PRRX2: variants seen among roughly 807,000 people sequenced by gnomAD.
PRRX2 encodes the protein paired mesoderm homeobox protein 2.
Under a neutral mutation model 18.0 loss-of-function variants are expected in PRRX2, and 11 were observed. The ratio of observed to expected loss-of-function variants is 0.61; its 90% CI spans 0.39 to 1.01. PRRX2 has a LOEUF of 1.01. PRRX2 is among the 50% of genes least tolerant of loss of function. The pLI is 0.01. For synonymous variants in PRRX2, 177 were observed against 154.8 expected (o/e 1.14, Z -1.06); for missense variants, 387 against 351.0 (o/e 1.10, Z -0.82).
intron 2 of PRRX2, 48 bp from the exon 3 acceptor site, chr9:129,720,548 T>G (rs1832775556): frequency 6.6e-7 from 1 of 1,521,382 alleles, no homozygotes; most frequent in African/African-American, 1.4e-5. Context: ...CAGAAGGACT[T>G]GGGTCCCCCC....
At chr9:129,680,476 C>A (rs1018099855) in intron 1 of PRRX2, among the ~76,000 whole-genome samples, 2 of 136,632 alleles carry the variant, frequency 1.5e-5, no homozygotes, top group Non-Finnish European at 3.1e-5. Flanking sequence ...CCACCCCCCC[C>A]ACCCGCCCTA....
chr9:129,685,226 C>A (rs1388144129), intron 1 of PRRX2, among the ~76,000 whole-genome samples: 1 of 152,212 alleles, frequency 6.6e-6, no homozygotes, highest in Admixed American at 6.5e-5. Flanking sequence ...GCCCAGGGCC[C>A]CCTACCAGTA....
intron 1 of PRRX2, among the ~76,000 whole-genome samples, chr9:129,711,961 C>A (rs1832628342): frequency 1.3e-5 from 2 of 152,266 alleles, no homozygotes; most frequent in South Asian, 4.1e-4. Context: ...GCCCTTCTCC[C>A]AGGGGCCCTT....
intron 1 of PRRX2, among the ~76,000 whole-genome samples, chr9:129,701,874 G>A (rs183455885): frequency 5.5e-4 from 83 of 152,160 alleles, no homozygotes; most frequent in African/African-American, 1.5e-3. Flanking sequence ...CAAGGCAGGC[G>A]GATCACTTGA....
chr9:129,702,244 AAGCATT>A (rs1021942273), intron 1 of PRRX2, among the ~76,000 whole-genome samples: 1 of 150,966 alleles, frequency 6.6e-6, no homozygotes, highest in African/African-American at 2.4e-5. Flanking sequence ...AAAAATACAA[AAGCATT>A]AGCTGGGCAT....
Position 129,671,184 on chromosome 9 carries a change from G to C in PRRX2, c.259+5058G>C, listed in dbSNP as rs1263081380. On this transcript the variant is annotated intron_variant, in intron 1 of 3. Transcript: ENST00000372469. The surrounding 1 kb of genome is among the most constrained non-coding windows in gnomAD (Gnocchi z 4.0). ...GCTGGGCCTGGTGCCTGGACCCTCA[G>C]ATGATCATGTCTCAGCAGGAGCCGG... Among the ~76,000 whole-genome samples the C allele has an allele frequency of 6.6e-6, 1 of 152,214 alleles. No individual in the cohort carries two copies. Among genetic ancestry groups the C allele is most frequent in the Non-Finnish European group, 1.5e-5 (1 of 68,034 alleles).
chr9:129,668,743 C>T (rs1243542428), intron 1 of PRRX2, among the ~76,000 whole-genome samples: 1 of 134,424 alleles, frequency 7.4e-6, no homozygotes, highest in Non-Finnish European at 1.5e-5. Flanking sequence ...CACCACTGCA[C>T]ACTCCAGCCT....
In PRRX2 at chr9:129,689,073, G is replaced by T. The variant is rs558999731; in HGVS notation, c.259+22947G>T. Among the ~76,000 whole-genome samples, 3 of 152,312 alleles carry T rather than the reference G, an allele frequency of 2.0e-5. No homozygotes were observed. In the South Asian group the frequency reaches 6.2e-4, roughly 32 times the overall value. On this transcript the variant is annotated intron_variant, in intron 1 of 3. Coordinates refer to ENST00000372469, the MANE Select transcript of PRRX2 (RefSeq NM_016307.4). ...GCGGGTAGGCTCATGGCTTAGGGGT[G>T]CTGGTTTGGCTTCATGGCACAGAGA...
chr9:129,691,468 A>G (rs187875558), intron 1 of PRRX2, among the ~76,000 whole-genome samples: 1 of 152,240 alleles, frequency 6.6e-6, no homozygotes, highest in Non-Finnish European at 1.5e-5. Context: ...GCACTGTGGT[A>G]TCTGGATGGT....
At chr9:129,691,624 C>A (rs954158674) in intron 1 of PRRX2, among the ~76,000 whole-genome samples, 1 of 151,960 alleles carries the variant, frequency 6.6e-6, no homozygotes, top group East Asian at 1.9e-4. Context: ...TCTCCTCCCC[C>A]ACAGAGAGCC....
At chr9:129,699,294 C>T (rs747311318) in intron 1 of PRRX2, among the ~76,000 whole-genome samples, 10 of 151,986 alleles carry the variant, frequency 6.6e-5, no homozygotes, top group Non-Finnish European at 1.2e-4. Flanking sequence ...CGTGGTGGTG[C>T]GCACCTGTAA....
intron 1 of PRRX2, among the ~76,000 whole-genome samples, chr9:129,684,482 T>TCA (rs71385454): frequency 0.09 from 3,888 of 43,200 alleles, 85 homozygotes; most frequent in East Asian, 0.22. Flanking sequence ...ATACCAGAAA[T>TCA]CACACACACA....
chr9:129,692,467 G>C (rs72770228), intron 1 of PRRX2, among the ~76,000 whole-genome samples: 1 of 151,762 alleles, frequency 6.6e-6, no homozygotes, highest in Non-Finnish European at 1.5e-5. Flanking sequence ...ATTCTGTGGG[G>C]TTAGAGAAAT....
At chr9:129,680,629 C>T (rs1832216267) in intron 1 of PRRX2, among the ~76,000 whole-genome samples, 1 of 152,048 alleles carries the variant, frequency 6.6e-6, no homozygotes, top group African/African-American at 2.4e-5. Context: ...CAGGAGCTTG[C>T]CTCACGGCTT....
intron 1 of PRRX2, among the ~76,000 whole-genome samples, chr9:129,670,384 T>G (rs778276146): frequency 6.6e-6 from 1 of 152,098 alleles, no homozygotes; most frequent in Non-Finnish European, 1.5e-5. Flanking sequence ...TTTTTTTATT[T>G]TTTAGTTTTT....
In PRRX2 at chr9:129,722,454, C is replaced by A; in HGVS notation, c.*102C>A. Reference sequence around the variant, plus strand: ...CCTTCTCCTGGATGAGCTCTCCTGGCCCGTCTGTCCAGCCTGGACTCCCGA... The same window carrying A: ...CCTTCTCCTGGATGAGCTCTCCTGGACCGTCTGTCCAGCCTGGACTCCCGA... On this transcript the variant is annotated 3_prime_UTR_variant, in exon 4 of 4. Transcript: ENST00000372469. 7.1e-7 allele frequency: 1 copy of A among 1,415,490 alleles called. No individual in the cohort carries two copies. The highest frequency in any genetic ancestry group is 1.4e-5 in the South Asian group (1 of 70,632). The allele number at this position is 1,415,490 out of a possible 1,614,324, so 87.7% of individuals were successfully genotyped here.
chr9:129,683,121 C>T (rs912531416), intron 1 of PRRX2, among the ~76,000 whole-genome samples: 13 of 152,016 alleles, frequency 8.6e-5, no homozygotes, highest in African/African-American at 2.7e-4. Context: ...AAAAAAATTC[C>T]CTCTGGCTAT....
intron 1 of PRRX2, among the ~76,000 whole-genome samples, chr9:129,698,785 G>A (rs79615009): frequency 0.044 from 6,752 of 152,298 alleles, 427 homozygotes; most frequent in East Asian, 0.35. Flanking sequence ...CAGGCTCAAA[G>A]TCACAGAGCT....
chr9:129,696,374 G>A (rs1832422025), intron 1 of PRRX2, among the ~76,000 whole-genome samples: 1 of 152,094 alleles, frequency 6.6e-6, no homozygotes, highest in African/African-American at 2.4e-5. Flanking sequence ...CAGGGGTTAG[G>A]CACCAGCCTG....
Sources: gnomAD v4.1 joint callset for allele counts (sites outside exome capture counted in the v4.1 genomes callset) on GRCh38, gnomAD v4.1.1 for gene constraint, Gnocchi (gnomAD v3.1) non-coding constraint, MANE v1.5 for transcripts, NCBI Gene and HGNC (gene_info 2026-07-23, HGNC 2026-07-21) for gene names.